Variants in CSGALNACT1 observed in about 807,000 individuals in gnomAD.
The protein encoded by CSGALNACT1 is beta4GalNAcT-1.
In CSGALNACT1, 52 loss-of-function variants were observed where a neutral mutation model predicts 51.0. The observed-to-expected ratio is 1.02, with a 90% CI of 0.82 to 1.29. The LOEUF (loss-of-function observed/expected upper bound fraction) is 1.29, where lower values mean the gene tolerates loss of function less well. Ranked by LOEUF, CSGALNACT1 falls within the 50% of genes most tolerant of loss-of-function variation. The pLI is 0.00. For synonymous variants in CSGALNACT1, 341 were observed against 254.4 expected (o/e 1.34, Z -3.24); for missense variants, 935 against 679.2 (o/e 1.38, Z -4.19).
chr8:19,417,673 G>C (rs1367824096), intron 8 of CSGALNACT1, among the ~76,000 whole-genome samples: 1 of 152,162 alleles, frequency 6.6e-6, no homozygotes, highest in African/African-American at 2.4e-5. Flanking sequence ...GCAAGAGGCA[G>C]AGCTACCCAC....
intron 3 of CSGALNACT1, among the ~76,000 whole-genome samples, chr8:19,512,053 G>A (rs2078565340): frequency 6.6e-6 from 1 of 152,204 alleles, no homozygotes; most frequent in Non-Finnish European, 1.5e-5. Flanking sequence ...AGATTTGGGT[G>A]GGGACACAGA....
intron 1 of CSGALNACT1, among the ~76,000 whole-genome samples, chr8:19,674,394 T>G (rs895353755): frequency 6.6e-6 from 1 of 151,432 alleles, no homozygotes; most frequent in African/African-American, 2.4e-5. Context: ...AGATCAGAAG[T>G]TGAGTGAGAG....
At chr8:19,497,651 T>TA (rs1481216348) in intron 4 of CSGALNACT1, among the ~76,000 whole-genome samples, 10 of 152,194 alleles carry the variant, frequency 6.6e-5, no homozygotes, top group African/African-American at 1.4e-4. Flanking sequence ...ATGCTAGAAA[T>TA]AAAAAATACA....
intron 1 of CSGALNACT1, among the ~76,000 whole-genome samples, chr8:19,738,295 TA>T (rs1425493700): frequency 3.3e-5 from 5 of 152,150 alleles, no homozygotes; most frequent in African/African-American, 1.2e-4. Flanking sequence ...TATTCTGCTT[TA>T]AAAAGAAAGA....
At chr8:19,634,637 G>A (rs571878755) in intron 1 of CSGALNACT1, among the ~76,000 whole-genome samples, 2 of 152,284 alleles carry the variant, frequency 1.3e-5, no homozygotes, top group Admixed American at 6.5e-5. Flanking sequence ...ATTCCAGCCT[G>A]GGCAACAGAG....
At chr8:19,669,752 G>C (rs1217436448) in intron 1 of CSGALNACT1, among the ~76,000 whole-genome samples, 1 of 152,214 alleles carries the variant, frequency 6.6e-6, no homozygotes, top group Admixed American at 6.5e-5. Context: ...TGGGATTACA[G>C]GCATGGGCCA....
chr8:19,721,814 G>C (rs1184142583), intron 1 of CSGALNACT1, among the ~76,000 whole-genome samples: 4 of 152,146 alleles, frequency 2.6e-5, no homozygotes, highest in Non-Finnish European at 5.9e-5. Context: ...GGCTTTAGCT[G>C]TTCCTTTACA....
intron 3 of CSGALNACT1, among the ~76,000 whole-genome samples, chr8:19,579,240 C>T (rs930244088): frequency 2.6e-5 from 4 of 152,170 alleles, no homozygotes; most frequent in Non-Finnish European, 4.4e-5. Context: ...ATTCAGCTCA[C>T]GTCACTTTCC....
At chr8:19,576,324 T>TG (rs2044202288) in intron 3 of CSGALNACT1, among the ~76,000 whole-genome samples, 1 of 774 alleles carries the variant, frequency 1.3e-3, no homozygotes, top group Non-Finnish European at 2.9e-3. Flanking sequence ...GCCTCCCCAA[T>TG]ACTGGGATTA....
intron 3 of CSGALNACT1, among the ~76,000 whole-genome samples, chr8:19,581,058 GAAT>G (rs1368719950): frequency 1.3e-5 from 2 of 152,260 alleles, no homozygotes; most frequent in Admixed American, 6.5e-5. Flanking sequence ...GAGGAAAAGA[GAAT>G]AATGAGAAAG....
intron 1 of CSGALNACT1, among the ~76,000 whole-genome samples, chr8:19,712,773 G>T (rs952878526): frequency 6.6e-5 from 10 of 152,192 alleles, no homozygotes; most frequent in Non-Finnish European, 1.3e-4. Context: ...AGACAGATGA[G>T]CATCTCACTG....
intron 4 of CSGALNACT1, among the ~76,000 whole-genome samples, chr8:19,468,709 C>T (rs1157461964): frequency 2.0e-5 from 3 of 152,002 alleles, no homozygotes; most frequent in Non-Finnish European, 2.9e-5. Flanking sequence ...GAGGCTGACT[C>T]GAGTTACAGG....
At chr8:19,572,723 C>T (rs1464626375) in intron 3 of CSGALNACT1, among the ~76,000 whole-genome samples, 2 of 152,112 alleles carry the variant, frequency 1.3e-5, no homozygotes, top group South Asian at 2.1e-4. Context: ...GGATAGCAAA[C>T]GCTAATGGCA....
At chr8:19,665,613 T>C (rs918325297) in intron 1 of CSGALNACT1, among the ~76,000 whole-genome samples, 1 of 152,174 alleles carries the variant, frequency 6.6e-6, no homozygotes, top group Non-Finnish European at 1.5e-5. Context: ...ATGTCATCAC[T>C]GACTTGCAAG....
Position 19,432,622 on chromosome 8 carries a change from G to C in CSGALNACT1, c.953+7208C>G, listed in dbSNP as rs946973454. ...GTTCATTTTCTTCATTCTTTTTTCTGTTTTTTTCTGAGACTGAGTCATTGC... is the reference window on the plus strand; with the variant it reads ...GTTCATTTTCTTCATTCTTTTTTCTCTTTTTTTCTGAGACTGAGTCATTGC... On this transcript the variant is annotated intron_variant, in intron 6 of 9. Transcript: ENST00000454498. 4.6e-5 allele frequency among the ~76,000 whole-genome samples: 7 copies of C among 151,696 alleles called. No individual in the cohort carries two copies. The East Asian group carries it at 1.4e-3, about 29-fold the overall frequency.
chr8:19,533,765 C>T (rs557964885), intron 3 of CSGALNACT1, among the ~76,000 whole-genome samples: 19 of 152,248 alleles, frequency 1.2e-4, no homozygotes, highest in African/African-American at 4.6e-4. Context: ...GATCATAATG[C>T]TCATTGCTGT....
intron 3 of CSGALNACT1, among the ~76,000 whole-genome samples, chr8:19,552,230 T>C (rs533095697): frequency 6.6e-5 from 10 of 152,300 alleles, no homozygotes; most frequent in African/African-American, 2.4e-4. Flanking sequence ...CACAAGATGG[T>C]TGGCCTAATT....
intron 3 of CSGALNACT1, among the ~76,000 whole-genome samples, chr8:19,506,777 C>A (rs749268780): frequency 6.6e-6 from 1 of 152,186 alleles, no homozygotes; most frequent in Non-Finnish European, 1.5e-5. Flanking sequence ...GCCTGCTGAC[C>A]GTCACCTTCC....
At chr8:19,645,589 C>T (rs1406897636) in intron 1 of CSGALNACT1, among the ~76,000 whole-genome samples, 3 of 152,206 alleles carry the variant, frequency 2.0e-5, no homozygotes, top group African/African-American at 4.8e-5. Context: ...AGGTTGAGAT[C>T]GTGGGTACTA....
Sources: gnomAD v4.1 joint callset for allele counts (sites outside exome capture counted in the v4.1 genomes callset) on GRCh38, gnomAD v4.1.1 for gene constraint, MANE v1.5 for transcripts, NCBI Gene and HGNC (gene_info 2026-07-23, HGNC 2026-07-21) for gene names.